STAG1: variants seen among roughly 807,000 people sequenced by gnomAD.
STAG1 encodes the protein STAG1 cohesin complex component, also known as cohesin subunit SA-1.
Under a neutral mutation model 170.9 loss-of-function variants are expected in STAG1, and 26 were observed. The observed-to-expected ratio is 0.15, with a 90% CI of 0.11 to 0.21. The LOEUF (loss-of-function observed/expected upper bound fraction) is 0.21. STAG1 is among the 10% of genes least tolerant of loss of function. The pLI is 1.00. For missense variants in STAG1, 964 were observed against 1,509.5 expected, an observed-to-expected ratio of 0.64 and a Z score of 5.99; for synonymous variants, 514 against 497.7, an observed-to-expected ratio of 1.03 and a Z score of -0.44.
chr3:136,626,216 A>G (rs1940085575), intron 2 of STAG1, among the ~76,000 whole-genome samples: 2 of 152,214 alleles, frequency 1.3e-5, no homozygotes, highest in Admixed American at 1.3e-4. Flanking sequence ...TCATGAGGTC[A>G]GAAGTTCGAG....
intron 13 of STAG1, among the ~76,000 whole-genome samples, chr3:136,461,560 C>T (rs909659180): frequency 1.2e-4 from 18 of 149,402 alleles, no homozygotes; most frequent in Non-Finnish European, 2.1e-4. Context: ...AAGTCAATCC[C>T]ATTTCCATTA....
In STAG1 at chr3:136,417,954, T is replaced by C; in HGVS notation, c.2127A>G (p.Lys709=). 1.2e-6 allele frequency: 2 copies of C among 1,613,566 alleles called. No homozygotes were observed. Among genetic ancestry groups the C allele is most frequent in the Non-Finnish European group, 1.7e-6 (2 of 1,179,560 alleles). Residue 709 remains lysine (K), a synonymous_variant, in exon 21 of 34, where the codon AAA becomes AAG. Transcript: ENST00000383202. ...TGTAGCAATTACCAAAGAGATCCCA[T>C]TTTGTGAGATCATGTGCACTGAAAT... The part of the protein sequence containing the change: ...TSFHNAHDLT[K]WDLFGNCYRL...
At chr3:136,558,571 C>A (rs1339837972) in intron 5 of STAG1, among the ~76,000 whole-genome samples, 1 of 152,164 alleles carries the variant, frequency 6.6e-6, no homozygotes, top group Non-Finnish European at 1.5e-5. Context: ...AAACCACAAT[C>A]TGATATTTGT....
intron 4 of STAG1, among the ~76,000 whole-genome samples, chr3:136,569,160 T>C (rs1362656705): frequency 6.6e-6 from 1 of 152,012 alleles, no homozygotes; most frequent in Non-Finnish European, 1.5e-5. Context: ...TCAAACCATA[T>C]TAAGAAAATG....
At chr3:136,586,985 G>T (rs1019020476) in intron 4 of STAG1, 1 of 430,010 alleles carries the variant, frequency 2.3e-6, no homozygotes, top group Non-Finnish European at 4.6e-6. Flanking sequence ...ATCCTATGAA[G>T]AAAAGATAGC....
intron 1 of STAG1, among the ~76,000 whole-genome samples, chr3:136,707,037 T>G (rs993150426): frequency 6.6e-6 from 1 of 152,112 alleles, no homozygotes; most frequent in Non-Finnish European, 1.5e-5. Context: ...CCTCACGCCA[T>G]ACTAAAAATT....
chr3:136,544,940 TAC>T (rs1225560336), intron 5 of STAG1, among the ~76,000 whole-genome samples: 1 of 152,208 alleles, frequency 6.6e-6, no homozygotes, highest in African/African-American at 2.4e-5. Flanking sequence ...GCTCTTCTTT[TAC>T]AGAGTGGATT....
rs144272670 is a variant in STAG1 at position 136,665,545 on chromosome 3, C to T, written c.-83-34564G>A. Among the ~76,000 whole-genome samples the T allele has an allele frequency of 1.8e-3, 270 of 152,026 alleles. 1 individual carries two copies. The highest frequency in any genetic ancestry group is 5.9e-3 in the African/African-American group (245 of 41,480). On this transcript the variant is annotated intron_variant, in intron 1 of 33. Transcript: ENST00000383202. ...CTGTAATCCCAGCACTTTGGGAGGACGAGACAGGCAGATCACGAGGTCAGG... is the reference window on the plus strand; with the variant it reads ...CTGTAATCCCAGCACTTTGGGAGGATGAGACAGGCAGATCACGAGGTCAGG...
chr3:136,724,030 C>A (rs1363351306), intron 1 of STAG1, among the ~76,000 whole-genome samples: 1 of 151,156 alleles, frequency 6.6e-6, no homozygotes, highest in Non-Finnish European at 1.5e-5. Context: ...AGGTGAGGGG[C>A]GCCTCTGCCC....
chr3:136,730,816 T>C (rs980245030), intron 1 of STAG1, among the ~76,000 whole-genome samples: 1 of 152,232 alleles, frequency 6.6e-6, no homozygotes, highest in African/African-American at 2.4e-5. Context: ...AGTCACCCCA[T>C]GCTCCAAACA....
chr3:136,389,221 G>A (rs1033399342), intron 22 of STAG1, among the ~76,000 whole-genome samples: 10 of 152,164 alleles, frequency 6.6e-5, no homozygotes, highest in Admixed American at 2.0e-4. Flanking sequence ...ATTTGTAAAC[G>A]AGGCAACTGT....
At chr3:136,542,669 T>TAAA (rs55825292) in intron 5 of STAG1, among the ~76,000 whole-genome samples, 2 of 113,106 alleles carry the variant, frequency 1.8e-5, no homozygotes, top group African/African-American at 3.9e-5. Context: ...CTGTTTGTAA[T>TAAA]AAAAAAAAAA....
chr3:136,747,550 G>A lies in STAG1; in HGVS notation c.-84+4645C>T, dbSNP rs377143707. ...TACAAAATACAAAAATTAGCCGGGC[G>A]TAGTGGCATGCACCTGTAGTCCCAG... On this transcript the variant is annotated intron_variant, in intron 1 of 33. Coordinates refer to ENST00000383202, the MANE Select transcript of STAG1 (RefSeq NM_005862.3). Among the ~76,000 whole-genome samples the A allele has an allele frequency of 7.2e-5, 11 of 152,094 alleles. No individual in the cohort carries two copies. In the East Asian group the frequency reaches 1.2e-3, roughly 16 times the overall value.
chr3:136,571,552 G>C (rs1020318032), intron 4 of STAG1, among the ~76,000 whole-genome samples: 1 of 151,960 alleles, frequency 6.6e-6, no homozygotes, highest in Non-Finnish European at 1.5e-5. Context: ...CTGAGTGACA[G>C]GGCGAGACCC....
intron 22 of STAG1, among the ~76,000 whole-genome samples, chr3:136,397,302 T>C (rs2087192486): frequency 6.6e-6 from 1 of 152,206 alleles, no homozygotes; most frequent in African/African-American, 2.4e-5. Context: ...ATGAGTGATA[T>C]TTTTGCTGTG....
At position 136,613,237 on chromosome 3, in the gene STAG1, G is replaced by A. The variant is rs139658101; in HGVS notation, c.133-8764C>T. Among the ~76,000 whole-genome samples the A allele has an allele frequency of 8.2e-3, 1,135 of 137,810 alleles. 17 individuals are homozygous for A. The highest frequency in any genetic ancestry group is 0.028 in the African/African-American group (1,078 of 37,956). The allele number at this position is 137,810 out of a possible 152,430, so 90.4% of individuals were successfully genotyped here. A position where few individuals can be genotyped will look rare whatever the true frequency, so the allele number is the denominator to read the frequency against. On this transcript the variant is annotated intron_variant, in intron 3 of 33. Transcript: ENST00000383202. ...GGAGAACGGTGTGAACCCAGGAGGC[G>A]GAGCTTGCAGTGAGCCACGATCATG...
chr3:136,546,007 A>T (rs1477117381), intron 5 of STAG1, among the ~76,000 whole-genome samples: 2 of 152,166 alleles, frequency 1.3e-5, no homozygotes, highest in African/African-American at 2.4e-5. Flanking sequence ...ACTGCACAGG[A>T]TGCAGTCCAT....
At chr3:136,750,011 G>A (rs1024529901) in intron 1 of STAG1, among the ~76,000 whole-genome samples, 2 of 151,800 alleles carry the variant, frequency 1.3e-5, no homozygotes, top group East Asian at 3.9e-4. Context: ...ATCTTTCCCA[G>A]AGTACATTAT....
chr3:136,738,784 A>G (rs961986804), intron 1 of STAG1, among the ~76,000 whole-genome samples: 1 of 152,214 alleles, frequency 6.6e-6, no homozygotes, highest in Non-Finnish European at 1.5e-5. Flanking sequence ...CTGAGAACAG[A>G]TTTTAAGTGT....
Sources: gnomAD v4.1 joint callset for allele counts (sites outside exome capture counted in the v4.1 genomes callset) on GRCh38, gnomAD v4.1.1 for gene constraint, MANE v1.5 for transcripts, NCBI Gene and HGNC (gene_info 2026-07-23, HGNC 2026-07-21) for gene names.